The following NOS3 variants were observed in gnomAD, a reference collection of about 807,000 sequenced individuals.
NOS3 encodes the protein NOS type III.
A neutral mutation model predicts 144.9 loss-of-function variants in NOS3; 98 were observed. That is an observed-to-expected ratio of 0.68 (90% CI 0.57 to 0.80). The LOEUF (loss-of-function observed/expected upper bound fraction) is 0.80. Ranked by LOEUF, NOS3 falls within the 30% of genes least tolerant of loss-of-function variation. The pLI, the probability that NOS3 is intolerant of heterozygous loss-of-function variation, is 0.00. For missense variants in NOS3, 1,465 were observed against 1,656.4 expected (o/e 0.88, Z 2.01); for synonymous variants, 714 against 702.4 (o/e 1.02, Z -0.26).
chr7:150,999,263 G>T lies in NOS3; in HGVS notation c.1030G>T (p.Gly344Trp). The T allele has an allele frequency of 6.2e-7, 1 of 1,612,218 alleles. No homozygotes were observed. The highest frequency in any genetic ancestry group is 8.5e-7 in the Non-Finnish European group (1 of 1,179,760). The change falls in exon 9 of 27, where the codon GGG becomes TGG. Residue 344 changes from glycine to tryptophan, a missense_variant. Around this residue, in one of 5 missense-constraint regions of NOS3, gnomAD observed 745 missense variants for 853.9 expected, o/e 0.87. Transcript: ENST00000297494. Reference sequence around the variant, plus strand: ...AGTGTCCAACATGCTGCTGGAAATTGGGGGCCTGGAGTTCCCCGCAGCCCC... The same window carrying T: ...AGTGTCCAACATGCTGCTGGAAATTTGGGGCCTGGAGTTCCCCGCAGCCCC... The part of the protein sequence containing the change: ...PAVSNMLLEI[G>W]GLEFPAAPFS...
chr7:150,999,663 T>C (rs1208364629), intron 9 of NOS3, among the ~76,000 whole-genome samples: 1 of 112,142 alleles, frequency 8.9e-6, no homozygotes, highest in Non-Finnish European at 1.8e-5. Flanking sequence ...TTTGTAGGGG[T>C]GGGTGAGTGT....
intron 17 of NOS3, among the ~76,000 whole-genome samples, chr7:151,008,622 AAC>A (rs1269775378): frequency 1.3e-5 from 2 of 152,352 alleles, no homozygotes; most frequent in South Asian, 2.1e-4. Flanking sequence ...TGCAGGTCTG[AAC>A]ACACAGACGC....
rs755174298 is a variant in NOS3 at position 150,998,659 on chromosome 7, A to C, written c.795A>C (p.Pro265=). ...AGGATGGCTCTGTGCGGGGGGACCC[A>C]GCCAACGTGGAGATCACCGAGGTGG... The part of the protein sequence containing the change: ...RQQDGSVRGD[P]ANVEITELCI... Residue 265 remains proline (P), a synonymous_variant, in exon 7 of 27, where the codon CCA becomes CCC. Coordinates refer to ENST00000297494, the MANE Select transcript of NOS3 (RefSeq NM_000603.5). This position sits in a 1 kb window ranked among gnomAD's most constrained non-coding sequence, Gnocchi z 5.0. 3 of 1,608,076 alleles carry C rather than the reference A, an allele frequency of 1.9e-6. No individual in the cohort carries two copies. In the East Asian group the frequency reaches 6.7e-5, roughly 36 times the overall value.
chr7:150,998,931 G>A lies in NOS3; in HGVS notation c.817-15G>A. On this transcript the variant is annotated splice_polypyrimidine_tract_variant and intron_variant, in intron 7 of 26. Transcript: ENST00000297494. This position sits in a 1 kb window ranked among gnomAD's most constrained non-coding sequence, Gnocchi z 5.0. ...AGGCTCAGCCCCAGAACCCCCTCTGGCCCACTCCCCACAGCTCTGCATTCA... is the reference window on the plus strand; with the variant it reads ...AGGCTCAGCCCCAGAACCCCCTCTGACCCACTCCCCACAGCTCTGCATTCA... 2 of 1,605,982 alleles carry A rather than the reference G, an allele frequency of 1.2e-6. No homozygotes were observed. Among genetic ancestry groups the A allele is most frequent in the Non-Finnish European group, 1.7e-6 (2 of 1,177,408 alleles).
intron 23 of NOS3, 114 bp from the exon 24 acceptor site, chr7:151,012,235 TAA>T: frequency 2.0e-5 from 19 of 934,526 alleles, no homozygotes; most frequent in Non-Finnish European, 2.0e-5. Flanking sequence ...GTTTTTTTTT[TAA>T]TTTTTTTTTG....
At chr7:151,010,555 A>C in intron 21 of NOS3, 42 bp from the exon 22 acceptor site, 1 of 1,493,694 alleles carries the variant, frequency 6.7e-7, no homozygotes, top group East Asian at 2.5e-5. Context: ...GTTACTAGGA[A>C]GGGCTATGGG....
chr7:151,009,745 G>A (rs569988810), intron 20 of NOS3, among the ~76,000 whole-genome samples, 160 bp downstream of exon 20: 30 of 152,120 alleles, frequency 2.0e-4, no homozygotes, highest in Non-Finnish European at 3.7e-4. Context: ...CCACTGCCGG[G>A]CTGGCCTTGT....
chr7:151,001,486 G>A, intron 11 of NOS3, 58 bp from the exon 12 acceptor site: 1 of 1,606,010 alleles, frequency 6.2e-7, no homozygotes, highest in Non-Finnish European at 8.5e-7. Flanking sequence ...CAGCCCCTGG[G>A]GACCTCTAAC....
intron 14 of NOS3, among the ~76,000 whole-genome samples, chr7:151,005,909 A>C (rs1308254065): frequency 6.6e-6 from 1 of 152,194 alleles, no homozygotes; most frequent in Non-Finnish European, 1.5e-5. Context: ...GCACCTATAG[A>C]TCTAGCTACT....
At chr7:151,008,325 G>C (rs3918230) in intron 17 of NOS3, among the ~76,000 whole-genome samples, 2 of 152,154 alleles carry the variant, frequency 1.3e-5, no homozygotes, top group Non-Finnish European at 2.9e-5. Flanking sequence ...AGCCAATCAC[G>C]GGTGAGCCCT....
At position 151,002,300 on chromosome 7, in the gene NOS3, G is replaced by A; in HGVS notation, c.1748G>A (p.Gly583Glu). 6.4e-7 allele frequency: 1 copy of A among 1,571,198 alleles called. No individual in the cohort carries two copies. The highest frequency in any genetic ancestry group is 1.2e-5 in the South Asian group (1 of 86,728). ...TFGNGDPPEN[G>E]ESFAAALMEM... ...GGGAATGGGGATCCCCCGGAGAATG[G>A]AGAGGTGAGAACTTCCAGGAAAGGG... Residue 583 changes from glycine to glutamate, a missense_variant, in exon 14 of 27, where the codon GGA (glycine) becomes GAA (glutamate). Physicochemically the swap from Gly to Glu is moderately conservative, Grantham distance 98. Transcript: ENST00000297494. The surrounding 1 kb of genome is among the most constrained non-coding windows in gnomAD (Gnocchi z 4.1).
rs754722607 is a variant in NOS3, at chr7:151,014,211, C to T, written c.*42C>T. ...CCTTCCAGTTCCGGGAGAGCGGCTG[C>T]CCGACTCAGGTCCGCCCGACCAGGA... is the stretch of plus-strand genomic sequence containing the variant. On this transcript the variant is annotated 3_prime_UTR_variant, in exon 27 of 27. Transcript: ENST00000297494. 3.8e-6 allele frequency: 6 copies of T among 1,559,514 alleles called. No homozygotes were observed. The Admixed American group carries it at 8.9e-5, about 23-fold the overall frequency.
rs917995776 is a variant in NOS3 at position 151,008,842 on chromosome 7, A to C, written c.2113-88A>C. ...CCACTGGGGCTGCCAACCCCCCAGGAGCAAGACGCAGTGAAGCCGCCCAGG... is the reference window on the plus strand; with the variant it reads ...CCACTGGGGCTGCCAACCCCCCAGGCGCAAGACGCAGTGAAGCCGCCCAGG... On this transcript the variant is annotated intron_variant, in intron 17 of 26. Coordinates refer to ENST00000297494, the MANE Select transcript of NOS3 (RefSeq NM_000603.5). 113 of 1,432,640 alleles carry C rather than the reference A, an allele frequency of 7.9e-5. 2 individuals are homozygous for C. The highest frequency in any genetic ancestry group is 1.0e-4 in the Non-Finnish European group (109 of 1,077,470). 88.7% of individuals were successfully genotyped at this position (1,432,640 alleles called of 1,614,324 possible).
In NOS3 at chr7:151,003,314, TG is replaced by T; in HGVS notation, c.1752+1014del. On this transcript the variant is annotated intron_variant, in intron 14 of 26. Coordinates refer to ENST00000297494, the MANE Select transcript of NOS3 (RefSeq NM_000603.5). The surrounding 1 kb of genome is among the most constrained non-coding windows in gnomAD (Gnocchi z 4.1). ...CTAATTTTTGTATTTTTTATAGAGA[TG>T]GGGTTTCGCCATGTTGCCCAGGCTG... 1 of 596,902 alleles carries T rather than the reference TG, an allele frequency of 1.7e-6. No homozygotes were observed. Among genetic ancestry groups the T allele is most frequent in the Non-Finnish European group, 2.8e-6 (1 of 360,734 alleles). The allele number at this position is 596,902 out of a possible 1,614,324, so 37.0% of individuals were successfully genotyped here.
At chr7:150,995,135 G>T in intron 2 of NOS3, 68 bp from the exon 3 acceptor site, 2 of 864,518 alleles carry the variant, frequency 2.3e-6, no homozygotes, top group African/African-American at 1.7e-5. Flanking sequence ...AGGGGCCTCC[G>T]GGTGACATCT....
In NOS3 at chr7:150,998,335, C is replaced by T. The variant is rs1802480855; in HGVS notation, c.583-22C>T. Reference sequence around the variant, plus strand: ...CCCGTCTCTCTCCTCACCCTCCTCTCCCGCTGCCTCGGCTGGCTCAGGTGT... The same window carrying T: ...CCCGTCTCTCTCCTCACCCTCCTCTTCCGCTGCCTCGGCTGGCTCAGGTGT... On this transcript the variant is annotated intron_variant, in intron 5 of 26. Coordinates refer to ENST00000297494, the MANE Select transcript of NOS3 (RefSeq NM_000603.5). The surrounding 1 kb of genome is among the most constrained non-coding windows in gnomAD (Gnocchi z 5.0). 1.2e-6 allele frequency: 2 copies of T among 1,606,522 alleles called. No homozygotes were observed. Among genetic ancestry groups the T allele is most frequent in the African/African-American group, 1.3e-5 (1 of 74,870 alleles).
chr7:150,997,074 G>A (rs1349703772), intron 5 of NOS3, 149 bp downstream of exon 5: 1 of 1,022,176 alleles, frequency 9.8e-7, no homozygotes, highest in African/African-American at 1.6e-5. Flanking sequence ...AAGGTAGGGG[G>A]ACTGCCCCAC....
At position 150,993,717 on chromosome 7, in the gene NOS3, C is replaced by T; in HGVS notation, c.-51-36C>T. The T allele has an allele frequency of 7.2e-7, 1 of 1,383,330 alleles. No individual in the cohort carries two copies. The highest frequency in any genetic ancestry group is 9.8e-7 in the Non-Finnish European group (1 of 1,020,986). The allele number at this position is 1,383,330 out of a possible 1,614,324, so 85.7% of individuals were successfully genotyped here. A position where few individuals can be genotyped will look rare whatever the true frequency, so the allele number is the denominator to read the frequency against. ...GCCAGCACTGGAGAGCCCCCTCCCACTGCCCCCTCCTCTCGGTCCCCTCCC... is the reference window on the plus strand; with the variant it reads ...GCCAGCACTGGAGAGCCCCCTCCCATTGCCCCCTCCTCTCGGTCCCCTCCC... On this transcript the variant is annotated intron_variant, in intron 1 of 26. Coordinates refer to ENST00000297494, the MANE Select transcript of NOS3 (RefSeq NM_000603.5). This position sits in a 1 kb window ranked among gnomAD's most constrained non-coding sequence, Gnocchi z 4.0.
rs1795214363 is a variant in NOS3, at chr7:151,006,933, T to A, written c.1865T>A (p.Leu622Gln). 6.2e-7 allele frequency: 1 copy of A among 1,614,128 alleles called. No homozygotes were observed. Among genetic ancestry groups the A allele is most frequent in the Non-Finnish European group, 8.5e-7 (1 of 1,180,014 alleles). Residue 622 changes from leucine to glutamine, a missense_variant, in exon 16 of 27, where the codon CTG becomes CAG. This residue lies in a region of NOS3 where 745 missense variants were observed against 853.9 expected (regional missense o/e 0.87). Transcript: ENST00000297494. Reference sequence around the variant, plus strand: ...AACAGCATCTCCTGCTCAGACCCACTGGTGTCCTCTTGGCGGCGGAAGAGG... The same window carrying A: ...AACAGCATCTCCTGCTCAGACCCACAGGTGTCCTCTTGGCGGCGGAAGAGG... Reference protein sequence around the residue: ...RFNSISCSDPLVSSWRRKRKE... With the variant: ...RFNSISCSDPQVSSWRRKRKE...
Sources: gnomAD v4.1 joint callset for allele counts (sites outside exome capture counted in the v4.1 genomes callset) on GRCh38, gnomAD v4.1.1 for gene constraint, gnomAD v4.1.1 regional missense constraint, Gnocchi (gnomAD v3.1) non-coding constraint, MANE v1.5 for transcripts, NCBI Gene and HGNC (gene_info 2026-07-23, HGNC 2026-07-21) for gene names.